The following RNF24 variants were observed in gnomAD, a reference collection of about 807,000 sequenced individuals.
The protein encoded by RNF24 is ring finger protein 24.
RNF24 carries 14 observed loss-of-function variants against 20.0 expected under a neutral mutation model. The ratio of observed to expected loss-of-function variants is 0.70; its 90% CI spans 0.46 to 1.10. The LOEUF is 1.10. Ranked by LOEUF, RNF24 falls within the 50% of genes least tolerant of loss-of-function variation. RNF24 has a pLI of 0.00. For synonymous variants in RNF24, 45 were observed against 61.1 expected (o/e 0.74, Z 1.23); for missense variants, 124 against 177.6 (o/e 0.70, Z 1.71).
chr20:3,960,565 G>A lies in RNF24; in HGVS notation c.143+3310C>T, dbSNP rs2091190852. Among the ~76,000 whole-genome samples, 3 of 152,118 alleles carry A rather than the reference G, an allele frequency of 2.0e-5. No individual in the cohort carries two copies. The South Asian group carries it at 6.2e-4, about 32-fold the overall frequency. On this transcript the variant is annotated intron_variant, in intron 2 of 5. Coordinates refer to ENST00000358395, the MANE Select transcript of RNF24 (RefSeq NM_001134337.3). ...CGCCTGTAGTCCCAGCTACTCGGGA[G>A]GCTGAGGCAAGAGAATGGCGTGAAC...
chr20:3,930,045 C>T lies in RNF24; in HGVS notation c.*4018G>A, dbSNP rs564120978. 1.3e-5 allele frequency: 2 copies of T among 151,450 alleles called. No homozygotes were observed. The highest frequency in any genetic ancestry group is 3.8e-4 in the East Asian group (2 of 5,196). 9.4% of individuals were successfully genotyped at this position (151,450 alleles called of 1,614,324 possible). On this transcript the variant is annotated 3_prime_UTR_variant, in exon 6 of 6. Transcript: ENST00000358395. Reference sequence around the variant, plus strand: ...GAGAAAAATTATATAGACACACATACACATGTGTGTACATGCATAAATGAT... The same window carrying T: ...GAGAAAAATTATATAGACACACATATACATGTGTGTACATGCATAAATGAT...
intron 2 of RNF24, 142 bp downstream of exon 2, chr20:3,963,733 C>A: frequency 1.7e-6 from 1 of 603,634 alleles, no homozygotes; most frequent in Non-Finnish European, 2.8e-6. Context: ...ATTACTAATG[C>A]ACAGATTAAA....
chr20:3,932,127 T>G lies in RNF24; in HGVS notation c.*1936A>C, dbSNP rs904004101. 6.6e-6 allele frequency: 1 copy of G among 152,202 alleles called. No individual in the cohort carries two copies. The highest frequency in any genetic ancestry group is 2.4e-5 in the African/African-American group (1 of 41,440). The allele number at this position is 152,202 out of a possible 1,614,324, so 9.4% of individuals were successfully genotyped here. ...GAGGTGACATCTGTCCCAAGGCCAT[T>G]CCATGGAAAATGGTGGCTGCTGGCA... is the stretch of plus-strand genomic sequence containing the variant. On this transcript the variant is annotated 3_prime_UTR_variant, in exon 6 of 6. Transcript: ENST00000358395.
At chr20:3,978,741 T>A (rs1282825854) in intron 1 of RNF24, among the ~76,000 whole-genome samples, 1 of 152,132 alleles carries the variant, frequency 6.6e-6, no homozygotes, top group East Asian at 1.9e-4. Context: ...TGATGTTTTA[T>A]AGTGATAGAA....
At chr20:3,998,955 C>T (rs916193015) in intron 1 of RNF24, among the ~76,000 whole-genome samples, 1 of 151,764 alleles carries the variant, frequency 6.6e-6, no homozygotes, top group Non-Finnish European at 1.5e-5. Context: ...TGGTGTGCAC[C>T]TGTAACCCCA....
chr20:3,949,390 A>G (rs2091056062), intron 2 of RNF24, among the ~76,000 whole-genome samples: 1 of 151,380 alleles, frequency 6.6e-6, no homozygotes, highest in East Asian at 1.9e-4. Context: ...GAAAAAAATA[A>G]AAGTACTCAC....
At chr20:4,014,739 G>GCACACA (rs146278311) in intron 1 of RNF24, among the ~76,000 whole-genome samples, 2,909 of 143,718 alleles carry the variant, frequency 0.02, 33 homozygotes, top group South Asian at 0.038. Context: ...ACTTGAATGC[G>GCACACA]CACACACACA....
chr20:3,928,207 A>T lies in RNF24; in HGVS notation c.*5856T>A, dbSNP rs1600597512. The T allele has an allele frequency of 6.6e-6, 1 of 152,222 alleles. No individual in the cohort carries two copies. The highest frequency in any genetic ancestry group is 1.5e-5 in the Non-Finnish European group (1 of 68,046). The allele number at this position is 152,222 out of a possible 1,614,324, so 9.4% of individuals were successfully genotyped here. ...GGAAAAGACACACCCAGGGCCAGAG[A>T]TTCTACAAATGCCAGAAGAGTGGAT... On this transcript the variant is annotated 3_prime_UTR_variant, in exon 6 of 6. Coordinates refer to ENST00000358395, the MANE Select transcript of RNF24 (RefSeq NM_001134337.3).
At chr20:3,941,343 C>T (rs73580263) in intron 4 of RNF24, among the ~76,000 whole-genome samples, 11 of 152,068 alleles carry the variant, frequency 7.2e-5, no homozygotes, top group African/African-American at 2.4e-4. Flanking sequence ...TGTATATAGA[C>T]GTAATATGAT....
intron 1 of RNF24, among the ~76,000 whole-genome samples, chr20:3,990,865 G>A (rs1226005715): frequency 1.3e-5 from 2 of 151,522 alleles, no homozygotes; most frequent in Non-Finnish European, 2.9e-5. Context: ...GACAGAGCAA[G>A]ATCCTGTCTC....
At chr20:3,971,904 AC>A (rs1306090108) in intron 1 of RNF24, among the ~76,000 whole-genome samples, 4 of 152,236 alleles carry the variant, frequency 2.6e-5, no homozygotes, top group African/African-American at 9.6e-5. Flanking sequence ...TATGCTGTCT[AC>A]CTGAAACTCA....
At chr20:3,943,053 T>G (rs1191621126) in intron 4 of RNF24, among the ~76,000 whole-genome samples, 2 of 152,100 alleles carry the variant, frequency 1.3e-5, no homozygotes, top group African/African-American at 2.4e-5. Flanking sequence ...TGACCACAGG[T>G]GATCCTCCTG....
At chr20:3,945,996 C>A (rs76354766) in intron 3 of RNF24, among the ~76,000 whole-genome samples, 2,443 of 152,202 alleles carry the variant, frequency 0.016, 34 homozygotes, top group Middle Eastern at 0.051. Context: ...ACACCAGAAG[C>A]TACTATAAGG....
chr20:4,008,431 TATA>T (rs375824243), intron 1 of RNF24, among the ~76,000 whole-genome samples: 968 of 15,484 alleles, frequency 0.063, 1 homozygote, highest in Non-Finnish European at 0.12. Context: ...ATATATAATA[TATA>T]ATATGTATAA....
chr20:3,957,124 C>G (rs1360143810), intron 2 of RNF24, among the ~76,000 whole-genome samples: 1 of 151,642 alleles, frequency 6.6e-6, no homozygotes, highest in Non-Finnish European at 1.5e-5. Context: ...ATGGTGAAAC[C>G]CTGTCTCTAC....
intron 1 of RNF24, among the ~76,000 whole-genome samples, chr20:4,008,541 AT>A (rs1434946071): frequency 1.7e-5 from 2 of 117,046 alleles, no homozygotes; most frequent in East Asian, 2.1e-4. Context: ...ATTTATATAT[AT>A]TATATATATA....
At chr20:3,992,077 T>C (rs1980493714) in intron 1 of RNF24, among the ~76,000 whole-genome samples, 1 of 152,238 alleles carries the variant, frequency 6.6e-6, no homozygotes, top group South Asian at 2.1e-4. Context: ...TTACATCCAG[T>C]GTAGCAATAC....
Position 3,966,468 on chromosome 20 carries a change from T to TTGTGTG in RNF24, c.-7-2445_-7-2444insCACACA, listed in dbSNP as rs756737260. Among the ~76,000 whole-genome samples, 3 of 33,554 alleles carry TTGTGTG rather than the reference T, an allele frequency of 8.9e-5. No individual in the cohort carries two copies. In the South Asian group the frequency reaches 4.2e-3, roughly 47 times the overall value. The allele number at this position is 33,554 out of a possible 152,430, so 22.0% of individuals were successfully genotyped here. On this transcript the variant is annotated intron_variant, in intron 1 of 5. Transcript: ENST00000358395. ...AAAGAGGACAAAACTATTAAGGCTT[T>TTGTGTG]AGTGTGTGTGTGTGTGTGTGTGTGT...
chr20:3,954,616 A>G (rs2091120494), intron 2 of RNF24, among the ~76,000 whole-genome samples: 1 of 152,126 alleles, frequency 6.6e-6, no homozygotes, highest in Non-Finnish European at 1.5e-5. Context: ...TAATATTTTG[A>G]AGAACTGGCC....
Sources: allele counts gnomAD v4.1 joint callset (sites outside exome capture counted in the v4.1 genomes callset), GRCh38; gene constraint gnomAD v4.1.1; transcripts MANE v1.5; gene names NCBI Gene and HGNC (gene_info 2026-07-23, HGNC 2026-07-21).